Variants in HIVEP3 observed in about 807,000 individuals in gnomAD.
HIVEP3 encodes transcription factor HIVEP3.
Under a neutral mutation model 152.8 loss-of-function variants are expected in HIVEP3, and 49 were observed. The ratio of observed to expected loss-of-function variants is 0.32; its 90% CI spans 0.26 to 0.41. The LOEUF is 0.41. Ranked by LOEUF, HIVEP3 falls within the 10% of genes least tolerant of loss-of-function variation. HIVEP3 has a pLI of 1.00. For synonymous variants in HIVEP3, 1,269 were observed against 1,289.0 expected, an observed-to-expected ratio of 0.98 and a Z score of 0.33; for missense variants, 2,790 against 3,103.3, an observed-to-expected ratio of 0.90 and a Z score of 2.40.
At chr1:41,805,448 G>A (rs567624366) in intron 1 of HIVEP3, among the ~76,000 whole-genome samples, 6 of 152,314 alleles carry the variant, frequency 3.9e-5, no homozygotes, top group South Asian at 2.1e-4. Flanking sequence ...GTATCTACAC[G>A]TGCCCTTCCA....
intron 1 of HIVEP3, among the ~76,000 whole-genome samples, chr1:41,722,081 C>T (rs1040394807): frequency 1.3e-5 from 2 of 152,188 alleles, no homozygotes; most frequent in African/African-American, 4.8e-5. Flanking sequence ...CTGCCCCTAC[C>T]CCTGCCCCTG....
intron 1 of HIVEP3, among the ~76,000 whole-genome samples, chr1:41,984,760 T>C (rs183634720): frequency 2.6e-5 from 4 of 152,348 alleles, no homozygotes; most frequent in Admixed American, 6.5e-5. Flanking sequence ...ATGGAGAGTT[T>C]AGAGGTAACT....
At chr1:41,938,218 C>T (rs945864002) in intron 1 of HIVEP3, among the ~76,000 whole-genome samples, 1 of 152,128 alleles carries the variant, frequency 6.6e-6, no homozygotes, top group African/African-American at 2.4e-5. Context: ...CTCATAGCAC[C>T]ACATCTCCCC....
chr1:41,950,177 C>T (rs1269180345), intron 1 of HIVEP3, among the ~76,000 whole-genome samples: 1 of 152,142 alleles, frequency 6.6e-6, no homozygotes, highest in Non-Finnish European at 1.5e-5. Context: ...AGTCATCTAT[C>T]GTCTGAGAGC....
intron 5 of HIVEP3, among the ~76,000 whole-genome samples, chr1:41,540,162 G>C (rs966153486): frequency 7.2e-5 from 11 of 152,240 alleles, no homozygotes; most frequent in Admixed American, 5.9e-4. Flanking sequence ...ACTGACCAAG[G>C]CTCTCTCTAG....
At chr1:41,676,121 G>A (rs1000355503) in intron 2 of HIVEP3, among the ~76,000 whole-genome samples, 6 of 151,604 alleles carry the variant, frequency 4.0e-5, no homozygotes, top group African/African-American at 1.5e-4. Flanking sequence ...GCACCATCTC[G>A]GCTCACTGCA....
chr1:41,945,683 A>G (rs1645070949), intron 1 of HIVEP3, among the ~76,000 whole-genome samples: 1 of 152,188 alleles, frequency 6.6e-6, no homozygotes, highest in African/African-American at 2.4e-5. Context: ...TTGGTGCCGC[A>G]GACATTTGCT....
At chr1:41,922,374 G>A (rs1644945947), upstream of HIVEP3, among the ~76,000 whole-genome samples, 1 of 152,140 alleles carries the variant, frequency 6.6e-6, no homozygotes, top group African/African-American at 2.4e-5. Flanking sequence ...AATTCTACCA[G>A]CTGCCAAACT....
intron 2 of HIVEP3, among the ~76,000 whole-genome samples, chr1:41,657,389 G>A (rs1452380693): frequency 6.6e-6 from 1 of 152,184 alleles, no homozygotes; most frequent in Non-Finnish European, 1.5e-5. Context: ...TCTCCATGGA[G>A]CAATGGTTAT....
At chr1:41,737,329 G>A (rs1470718824) in intron 1 of HIVEP3, among the ~76,000 whole-genome samples, 1 of 152,158 alleles carries the variant, frequency 6.6e-6, no homozygotes, top group African/African-American at 2.4e-5. Context: ...TACTCTTGCC[G>A]TTCCCACTGC....
chr1:41,598,602 T>G (rs906259413), intron 3 of HIVEP3, among the ~76,000 whole-genome samples: 6 of 152,176 alleles, frequency 3.9e-5, no homozygotes, highest in Non-Finnish European at 7.3e-5. Flanking sequence ...TGCAACTCAT[T>G]TCTTCATTTC....
chr1:41,596,130 G>T (rs545299273), intron 3 of HIVEP3, among the ~76,000 whole-genome samples: 1 of 152,066 alleles, frequency 6.6e-6, no homozygotes, highest in Non-Finnish European at 1.5e-5. Flanking sequence ...GTTTCCACAC[G>T]TCCCCTCCTA....
chr1:41,905,946 G>T (rs553397041), intron 1 of HIVEP3, among the ~76,000 whole-genome samples: 73 of 152,164 alleles, frequency 4.8e-4, no homozygotes, highest in Non-Finnish European at 9.4e-4. Flanking sequence ...GTGAGTGTTC[G>T]TGGCAGCTTC....
chr1:41,803,284 T>C (rs956864464), intron 1 of HIVEP3, among the ~76,000 whole-genome samples: 10 of 152,198 alleles, frequency 6.6e-5, no homozygotes, highest in Non-Finnish European at 1.3e-4. Flanking sequence ...TATTGTTGCT[T>C]TAAATTTCAC....
intron 1 of HIVEP3, among the ~76,000 whole-genome samples, chr1:41,917,731 C>A (rs944644885): frequency 1.3e-5 from 2 of 152,076 alleles, no homozygotes; most frequent in South Asian, 2.1e-4. Context: ...TCTCTGCTAG[C>A]AGGGAGGCAA....
intron 2 of HIVEP3, among the ~76,000 whole-genome samples, chr1:41,665,562 TTTGACAAGG>T (rs1182124249): frequency 6.6e-6 from 1 of 150,896 alleles, no homozygotes; most frequent in Non-Finnish European, 1.5e-5. Context: ...TACACTGCTG[TTTGACAAGG>T]TTGGAGAGGG....
intron 1 of HIVEP3, among the ~76,000 whole-genome samples, chr1:41,810,475 C>T (rs1293859164): frequency 6.6e-6 from 1 of 152,212 alleles, no homozygotes; most frequent in African/African-American, 2.4e-5. Flanking sequence ...TCCCTTGCCC[C>T]CCATCCACCA....
At chr1:41,596,819 C>T (rs971735723) in intron 3 of HIVEP3, among the ~76,000 whole-genome samples, 6 of 152,108 alleles carry the variant, frequency 3.9e-5, no homozygotes, top group African/African-American at 1.4e-4. Context: ...TCAGAATGAC[C>T]GAGTGGATCC....
At chr1:41,856,704 G>T (rs1480456686) in intron 1 of HIVEP3, among the ~76,000 whole-genome samples, 2 of 152,084 alleles carry the variant, frequency 1.3e-5, no homozygotes, top group Non-Finnish European at 2.9e-5. Context: ...TGCAGCAGGG[G>T]AAAAGGAGTC....
Sources: gnomAD v4.1 joint callset for allele counts (sites outside exome capture counted in the v4.1 genomes callset) on GRCh38, gnomAD v4.1.1 for gene constraint, MANE v1.5 for transcripts, NCBI Gene and HGNC (gene_info 2026-07-23, HGNC 2026-07-21) for gene names.